The following STARD9 variants were observed in gnomAD, a reference collection of about 807,000 sequenced individuals.
STARD9 encodes StAR related lipid transfer domain containing 9, also known as stAR-related lipid transfer protein 9.
A neutral mutation model predicts 399.8 loss-of-function variants in STARD9; 346 were observed. The observed-to-expected ratio is 0.87, with a 90% CI of 0.79 to 0.95. The LOEUF (loss-of-function observed/expected upper bound fraction) is 0.95. STARD9 is among the 40% of genes least tolerant of loss of function. STARD9 has a pLI of 0.00. For missense variants in STARD9, 5,832 were observed against 5,667.5 expected (o/e 1.03, Z -0.93); for synonymous variants, 2,203 against 2,143.5 (o/e 1.03, Z -0.77).
At chr15:42,712,747 G>A (rs983149197) in intron 26 of STARD9, among the ~76,000 whole-genome samples, 17 of 152,002 alleles carry the variant, frequency 1.1e-4, no homozygotes, top group Non-Finnish European at 2.1e-4. Flanking sequence ...GCCTGGGCTC[G>A]TCTCAAACTC....
At chr15:42,655,498 A>T (rs576310015) in intron 9 of STARD9, among the ~76,000 whole-genome samples, 1 of 152,364 alleles carries the variant, frequency 6.6e-6, no homozygotes, top group Admixed American at 6.5e-5. Context: ...AGGACACCCT[A>T]TTCAACAAAT....
intron 7 of STARD9, 112 bp from the exon 8 acceptor site, chr15:42,650,904 A>T: frequency 2.9e-6 from 2 of 679,172 alleles, no homozygotes; most frequent in Non-Finnish European, 4.6e-6. Flanking sequence ...AGATTCCCTC[A>T]TTTTTGTCTA....
At chr15:42,709,865 T>G (rs1369880507) in intron 26 of STARD9, among the ~76,000 whole-genome samples, 1 of 151,990 alleles carries the variant, frequency 6.6e-6, no homozygotes, top group Non-Finnish European at 1.5e-5. Context: ...AACTTTTCTC[T>G]AAGAAAGTGC....
chr15:42,662,016 T>C (rs2060002913), intron 10 of STARD9, among the ~76,000 whole-genome samples: 1 of 152,198 alleles, frequency 6.6e-6, no homozygotes, highest in Non-Finnish European at 1.5e-5. Flanking sequence ...TTTTACTTTG[T>C]GGTGCACATC....
Position 42,682,267 on chromosome 15 carries a change from A to G in STARD9, c.2229A>G (p.Lys743=), listed in dbSNP as rs2140208859. The part of the protein sequence containing the change: ...IQPSPFVQSQ[K]RVVHLQLLRR... ...CATCCCCATTTGTCCAAAGTCAGAA[A>G]AGGGTGGTGCACCTGCAGCTCCTGC... Residue 743 remains lysine, a synonymous_variant, in exon 22 of 33, where the codon AAA becomes AAG. Coordinates refer to ENST00000290607, the MANE Select transcript of STARD9 (RefSeq NM_020759.3). 1 of 1,537,190 alleles carries G rather than the reference A, an allele frequency of 6.5e-7. No homozygotes were observed. Among genetic ancestry groups the G allele is most frequent in the Admixed American group, 2.0e-5 (1 of 51,004 alleles).
intron 3 of STARD9, among the ~76,000 whole-genome samples, chr15:42,615,993 G>T (rs987844466): frequency 2.0e-5 from 3 of 152,004 alleles, no homozygotes; most frequent in African/African-American, 7.2e-5. Flanking sequence ...GCCACTATTT[G>T]AGTACTTCAA....
At chr15:42,615,516 C>A in intron 3 of STARD9, among the ~76,000 whole-genome samples, 1 of 151,512 alleles carries the variant, frequency 6.6e-6, no homozygotes. Context: ...TTAATAACAT[C>A]CCATTTTTAA....
At chr15:42,620,793 C>T (rs144638832) in intron 3 of STARD9, among the ~76,000 whole-genome samples, 2,198 of 150,660 alleles carry the variant, frequency 0.015, 62 homozygotes, top group African/African-American at 0.052. Flanking sequence ...TTCCCTGTGT[C>T]GCCCAGGCTG....
rs1397946393 is a variant in STARD9 at position 42,612,997 on chromosome 15, A to AG, written c.235-21859_235-21858insG. Among the ~76,000 whole-genome samples, 4 of 151,410 alleles carry AG rather than the reference A, an allele frequency of 2.6e-5. No individual in the cohort carries two copies. The East Asian group carries it at 7.7e-4, about 29-fold the overall frequency. On this transcript the variant is annotated intron_variant, in intron 3 of 32. Transcript: ENST00000290607. The stretch of plus-strand genomic sequence containing the variant: ...AGACTATGTCTCAGAGGGGAAAAAA[A>AG]AAAAAAAAAAAAAGAGCAACATCTG...
intron 3 of STARD9, among the ~76,000 whole-genome samples, chr15:42,609,684 T>C (rs946381320): frequency 2.0e-5 from 3 of 151,922 alleles, no homozygotes; most frequent in African/African-American, 7.2e-5. Flanking sequence ...GTGATCTGCC[T>C]GCCTTGGCCT....
chr15:42,693,530 C>T lies in STARD9; in HGVS notation c.11952C>T (p.Ser3984=). The T allele has an allele frequency of 6.5e-7, 1 of 1,537,274 alleles. No individual in the cohort carries two copies. The highest frequency in any genetic ancestry group is 8.7e-7 in the Non-Finnish European group (1 of 1,146,908). The part of the protein sequence containing the change: ...RSFLELHSPH[S]PQQSPKLQFS... ...TCCTTGAGTTGCACTCCCCACACAG[C>T]CCACAGCAGAGTCCAAAACTCCAAT... The change falls in exon 23 of 33, where the codon AGC becomes AGT. Residue 3984 remains serine (S), a synonymous_variant. Transcript: ENST00000290607.
rs749911134 is a variant in STARD9 at position 42,694,090 on chromosome 15, C to T, written c.12512C>T (p.Ser4171Phe). Residue 4171 changes from serine to phenylalanine, a missense_variant, in exon 23 of 33, where the codon TCT (serine) becomes TTT (phenylalanine). This residue lies in a region of STARD9 where 5,828 missense variants were observed against 5,651.1 expected (regional missense o/e 1.03). Coordinates refer to ENST00000290607, the MANE Select transcript of STARD9 (RefSeq NM_020759.3). ...CTGGGGGCCAGCGGTGATCTCAGCT[C>T]TGAAAAGCAGGAACAGAGTCCCCCA... Reference protein sequence around the residue: ...EELGASGDLSSEKQEQSPPQP... With the variant: ...EELGASGDLSFEKQEQSPPQP... 7 of 1,536,932 alleles carry T rather than the reference C, an allele frequency of 4.6e-6. No individual in the cohort carries two copies. The East Asian group carries it at 1.7e-4, about 38-fold the overall frequency.
intron 20 of STARD9, among the ~76,000 whole-genome samples, chr15:42,677,464 C>G (rs995353380): frequency 5.9e-5 from 9 of 152,176 alleles, no homozygotes; most frequent in African/African-American, 2.2e-4. Context: ...TAGGCTGGAG[C>G]TTTTGCTTTG....
chr15:42,658,590 C>T (rs545648855), intron 9 of STARD9, among the ~76,000 whole-genome samples: 6 of 151,700 alleles, frequency 4.0e-5, no homozygotes, highest in Non-Finnish European at 7.4e-5. Context: ...TCAAGTGATT[C>T]TCCTGCCTCA....
At chr15:42,674,796 C>A (rs1434046349) in intron 17 of STARD9, 31 bp from the exon 18 acceptor site, 4 of 1,498,902 alleles carry the variant, frequency 2.7e-6, no homozygotes, top group Admixed American at 2.2e-5. Flanking sequence ...GCATCGTCCT[C>A]CCACCCAAGT....
rs1348948694 is a variant in STARD9, at chr15:42,692,035, A to G, written c.10457A>G (p.Tyr3486Cys). The change falls in exon 23 of 33, where the codon TAT (tyrosine) becomes TGT (cysteine). Residue 3486 changes from tyrosine to cysteine, a missense_variant. Physicochemically the swap from Tyr to Cys is radical, Grantham distance 194 (BLOSUM62 -2). Transcript: ENST00000290607. ...EEPARISWKQ[Y>C]MSGSAVDVSC... ...CCTGCACGTATCAGCTGGAAGCAGT[A>G]TATGTCTGGCAGTGCAGTCGATGTT... The G allele has an allele frequency of 4.6e-6, 7 of 1,537,214 alleles. No homozygotes were observed. The highest frequency in any genetic ancestry group is 3.9e-5 in the Admixed American group (2 of 51,004).
intron 15 of STARD9, among the ~76,000 whole-genome samples, chr15:42,667,586 A>G (rs976260824): frequency 1.3e-4 from 19 of 151,950 alleles, no homozygotes; most frequent in Non-Finnish European, 2.1e-4. Flanking sequence ...GGTTCAAGCA[A>G]TTCTCCAGCC....
Position 42,692,882 on chromosome 15 carries a change from C to T in STARD9, c.11304C>T (p.Thr3768=). The change falls in exon 23 of 33, where the codon ACC becomes ACT. Residue 3768 remains threonine, a synonymous_variant. Transcript: ENST00000290607. Reference sequence around the variant, plus strand: ...TCCTTGAAGGGCTAGGCTCAGATACCTCGACTGTGTCTCAAGAAGAGGGAG... The same window carrying T: ...TCCTTGAAGGGCTAGGCTCAGATACTTCGACTGTGTCTCAAGAAGAGGGAG... ...NVILEGLGSD[T]STVSQEEGDV... 2 of 1,537,252 alleles carry T rather than the reference C, an allele frequency of 1.3e-6. No individual in the cohort carries two copies. Among genetic ancestry groups the T allele is most frequent in the Non-Finnish European group, 1.7e-6 (2 of 1,146,914 alleles).
intron 3 of STARD9, among the ~76,000 whole-genome samples, chr15:42,629,054 C>T (rs2059279949): frequency 6.6e-6 from 1 of 152,108 alleles, no homozygotes; most frequent in African/African-American, 2.4e-5. Flanking sequence ...GTCTCTTGCT[C>T]TGTTTTCCAG....
Sources: allele counts gnomAD v4.1 joint callset (sites outside exome capture counted in the v4.1 genomes callset), GRCh38; gene constraint gnomAD v4.1.1; regional missense constraint gnomAD v4.1.1; transcripts MANE v1.5; gene names NCBI Gene and HGNC (gene_info 2026-07-23, HGNC 2026-07-21).